Variants in CNBD1 observed in about 807,000 individuals in gnomAD.
The protein encoded by CNBD1 is cyclic nucleotide binding domain containing 1, also known as cyclic nucleotide-binding domain-containing protein 1.
Under a neutral mutation model 54.4 loss-of-function variants are expected in CNBD1, and 71 were observed. The ratio of observed to expected loss-of-function variants is 1.30; its 90% confidence interval spans 1.08 to 1.59. The LOEUF (loss-of-function observed/expected upper bound fraction) is 1.59, where lower values mean the gene tolerates loss of function less well. Ranked by LOEUF, CNBD1 falls within the 40% of genes most tolerant of loss-of-function variation. The pLI, the probability that CNBD1 is intolerant of heterozygous loss-of-function variation, is 0.00. For synonymous variants in CNBD1, 182 were observed against 170.7 expected, an observed-to-expected ratio of 1.07 and a Z score of -0.51; for missense variants, 659 against 518.0, an observed-to-expected ratio of 1.27 and a Z score of -2.64.
chr8:87,324,457 A>G (rs1379798004), intron 8 of CNBD1, among the ~76,000 whole-genome samples: 2 of 146,788 alleles, frequency 1.4e-5, no homozygotes, highest in Non-Finnish European at 3.0e-5. Context: ...TTGGTAAACT[A>G]TTGATTATTG....
rs1812974020 is a variant in CNBD1 at position 87,166,871 on chromosome 8, T to A, written c.432-39122T>A. ...AATTGTTCTATTTTCCAGTATAGTA[T>A]GTAACTATATATTTAATTTTTTTAT... On this transcript the variant is annotated intron_variant, in intron 4 of 10. Coordinates refer to ENST00000518476, the MANE Select transcript of CNBD1 (RefSeq NM_173538.3). The surrounding 1 kb of genome is among the most constrained non-coding windows in gnomAD (Gnocchi z 4.3). 6.6e-6 allele frequency among the ~76,000 whole-genome samples: 1 copy of A among 151,772 alleles called. No homozygotes were observed. The highest frequency in any genetic ancestry group is 1.5e-5 in the Non-Finnish European group (1 of 67,946).
At position 87,102,966 on chromosome 8, in the gene CNBD1, G is replaced by A. The variant is rs570187543; in HGVS notation, c.432-103027G>A. On this transcript the variant is annotated intron_variant, in intron 4 of 10. Coordinates refer to ENST00000518476, the MANE Select transcript of CNBD1 (RefSeq NM_173538.3). ...CAATATAGGGAGAGAGGGATTCAGA[G>A]GAACTGAAGAAAATTCCCAGGAGTT... Among the ~76,000 whole-genome samples, 3 of 152,246 alleles carry A rather than the reference G, an allele frequency of 2.0e-5. No individual in the cohort carries two copies. In the South Asian group the frequency reaches 6.2e-4, roughly 32 times the overall value.
intron 5 of CNBD1, among the ~76,000 whole-genome samples, chr8:87,210,899 C>A (rs1054623760): frequency 1.3e-5 from 2 of 152,174 alleles, no homozygotes; most frequent in Non-Finnish European, 2.9e-5. Flanking sequence ...GTGGGAAGGG[C>A]ACTACTGTTC....
At chr8:87,375,573 C>G in intron 10 of CNBD1, among the ~76,000 whole-genome samples, 1 of 151,760 alleles carries the variant, frequency 6.6e-6, no homozygotes, top group East Asian at 1.9e-4. Flanking sequence ...CACACAGATT[C>G]TATTTTCTTA....
intron 2 of CNBD1, among the ~76,000 whole-genome samples, chr8:87,389,160 A>C (rs1640637305): frequency 6.6e-6 from 1 of 152,184 alleles, no homozygotes. Flanking sequence ...AATGGGCAAA[A>C]ACTGGAAGCA....
intron 4 of CNBD1, among the ~76,000 whole-genome samples, chr8:87,121,208 C>A (rs1187095308): frequency 2.0e-5 from 3 of 151,490 alleles, no homozygotes; most frequent in Non-Finnish European, 3.0e-5. Context: ...ATATTAAAAA[C>A]ACAAACTACA....
chr8:87,167,508 A>G (rs1190395387), intron 4 of CNBD1, among the ~76,000 whole-genome samples: 1 of 151,772 alleles, frequency 6.6e-6, no homozygotes, highest in Non-Finnish European at 1.5e-5. Context: ...CCCAGGCTCG[A>G]GTGCACCAAA....
intron 4 of CNBD1, among the ~76,000 whole-genome samples, chr8:87,049,281 T>G (rs1427645691): frequency 1.3e-5 from 2 of 152,244 alleles, no homozygotes; most frequent in East Asian, 3.9e-4. Flanking sequence ...GAAGTCTGCC[T>G]ATTTCCTGAT....
chr8:87,365,404 G>T (rs1301582740), intron 10 of CNBD1, among the ~76,000 whole-genome samples: 1 of 151,850 alleles, frequency 6.6e-6, no homozygotes, highest in Non-Finnish European at 1.5e-5. Flanking sequence ...TTAGACCTTT[G>T]TCAGATGTGT....
intron 8 of CNBD1, among the ~76,000 whole-genome samples, chr8:87,306,773 G>C (rs978181570): frequency 6.6e-6 from 1 of 151,960 alleles, no homozygotes; most frequent in Non-Finnish European, 1.5e-5. Context: ...AGAGTGGGAG[G>C]GGGGTGAGGG....
rs564467000 is a variant in CNBD1 at position 86,889,915 on chromosome 8, T to C, written c.158+2304T>C. Reference sequence around the variant, plus strand: ...TGTGTTGATTATAAATAAGTTAGGATAGATATGGATTTATAGTGTTTTTTT... The same window carrying C: ...TGTGTTGATTATAAATAAGTTAGGACAGATATGGATTTATAGTGTTTTTTT... On this transcript the variant is annotated intron_variant, in intron 2 of 10. Coordinates refer to ENST00000518476, the MANE Select transcript of CNBD1 (RefSeq NM_173538.3). Among the ~76,000 whole-genome samples, 5 of 152,220 alleles carry C rather than the reference T, an allele frequency of 3.3e-5. No homozygotes were observed. In the South Asian group the frequency reaches 1.0e-3, roughly 32 times the overall value.
chr8:87,339,212 A>G (rs1411749068), intron 8 of CNBD1, among the ~76,000 whole-genome samples: 1 of 152,192 alleles, frequency 6.6e-6, no homozygotes, highest in African/African-American at 2.4e-5. Context: ...CCAAGTGATT[A>G]CTATCTGATA....
intron 5 of CNBD1, among the ~76,000 whole-genome samples, chr8:87,214,972 ACT>A (rs1441039772): frequency 6.6e-6 from 1 of 152,120 alleles, no homozygotes; most frequent in East Asian, 1.9e-4. Context: ...CCAGAATTCC[ACT>A]CCTAAATACA....
intron 6 of CNBD1, among the ~76,000 whole-genome samples, chr8:87,273,848 T>C (rs1399822604): frequency 1.3e-5 from 2 of 151,952 alleles, no homozygotes; most frequent in Non-Finnish European, 2.9e-5. Context: ...TGTATTCATG[T>C]GCCATGCTGG....
At position 86,966,820 on chromosome 8, in the gene CNBD1, A is replaced by T. The variant is rs989666944; in HGVS notation, c.431+27066A>T. Among the ~76,000 whole-genome samples, 5 of 152,184 alleles carry T rather than the reference A, an allele frequency of 3.3e-5. No individual in the cohort carries two copies. The South Asian group carries it at 1.0e-3, about 32-fold the overall frequency. On this transcript the variant is annotated intron_variant, in intron 4 of 10. Coordinates refer to ENST00000518476, the MANE Select transcript of CNBD1 (RefSeq NM_173538.3). The stretch of plus-strand genomic sequence containing the variant: ...GTTTTTGAGAAGAGCAAAAGAACAA[A>T]GCTTCCACAGCATGGAAGAGGACCC...
intron 6 of CNBD1, among the ~76,000 whole-genome samples, chr8:87,256,123 A>G (rs1243131380): frequency 6.9e-6 from 1 of 144,832 alleles, no homozygotes. Context: ...CCTGGGTTCA[A>G]GCGATTCTCC....
chr8:86,991,383 ACTCT>A, intron 4 of CNBD1, among the ~76,000 whole-genome samples: 1 of 150,512 alleles, frequency 6.6e-6, no homozygotes, highest in South Asian at 2.1e-4. Flanking sequence ...TCTGACACAC[ACTCT>A]CTCTGTCTCT....
chr8:87,000,376 A>T lies in CNBD1; in HGVS notation c.431+60622A>T, dbSNP rs117711921. Among the ~76,000 whole-genome samples the T allele has an allele frequency of 4.3e-3, 648 of 152,290 alleles. 2 individuals are homozygous for T. The highest frequency in any genetic ancestry group is 6.4e-3 in the Non-Finnish European group (433 of 68,026). On this transcript the variant is annotated intron_variant, in intron 4 of 10. Transcript: ENST00000518476. ...GCCATGTGGGACTGTGAATTAATTA[A>T]ACCTATTTTCTTTATAAATTACCTA...
In CNBD1 at chr8:87,277,577, A is replaced by G. The variant is rs116152427; in HGVS notation, c.772-7101A>G. 3.1e-3 allele frequency among the ~76,000 whole-genome samples: 474 copies of G among 151,816 alleles called. 3 individuals are homozygous for G. Among genetic ancestry groups the G allele is most frequent in the African/African-American group, 0.011 (452 of 41,482 alleles). ...CTTTCGCCAGTCTCATGTATTTTAT[A>G]GACAGAAATTAGGAGTCCTGGGTCT... is the stretch of plus-strand genomic sequence containing the variant. On this transcript the variant is annotated intron_variant, in intron 6 of 10. Transcript: ENST00000518476.
Sources: allele counts gnomAD v4.1 joint callset (sites outside exome capture counted in the v4.1 genomes callset), GRCh38; gene constraint gnomAD v4.1.1; non-coding constraint Gnocchi (gnomAD v3.1); transcripts MANE v1.5; gene names NCBI Gene and HGNC (gene_info 2026-07-23, HGNC 2026-07-21).